Variants in GLIS1 observed in about 807,000 individuals in gnomAD.
The protein encoded by GLIS1 is GLIS family zinc finger 1.
A neutral mutation model predicts 63.8 loss-of-function variants in GLIS1; 24 were observed. The ratio of observed to expected loss-of-function variants is 0.38; its 90% CI spans 0.27 to 0.53. The LOEUF is 0.53. Ranked by LOEUF, GLIS1 falls within the 20% of genes least tolerant of loss-of-function variation. The pLI is 0.85. For synonymous variants in GLIS1, 450 were observed against 482.5 expected, an observed-to-expected ratio of 0.93 and a Z score of 0.88; for missense variants, 1,036 against 1,074.1, an observed-to-expected ratio of 0.96 and a Z score of 0.50.
intron 2 of GLIS1, among the ~76,000 whole-genome samples, chr1:53,638,064 T>A (rs897313390): frequency 6.6e-6 from 1 of 152,174 alleles, no homozygotes; most frequent in African/African-American, 2.4e-5. Context: ...CAGTATCCCA[T>A]CTGGGTTTAG....
chr1:53,553,230 G>A (rs1265942552), intron 4 of GLIS1, among the ~76,000 whole-genome samples: 5 of 152,158 alleles, frequency 3.3e-5, no homozygotes, highest in African/African-American at 9.7e-5. Flanking sequence ...AGTTTGTGGG[G>A]TTATTCCATC....
At chr1:53,579,373 T>G (rs1002287268) in intron 4 of GLIS1, among the ~76,000 whole-genome samples, 1 of 152,218 alleles carries the variant, frequency 6.6e-6, no homozygotes, top group Non-Finnish European at 1.5e-5. Context: ...CCAGGGGACA[T>G]GAGGCCTTGC....
At chr1:53,659,147 A>G (rs1179097241) in intron 2 of GLIS1, among the ~76,000 whole-genome samples, 3 of 152,168 alleles carry the variant, frequency 2.0e-5, no homozygotes, top group Non-Finnish European at 4.4e-5. Flanking sequence ...GAGTGCTCTG[A>G]GCCTGAAGAA....
At chr1:53,736,068 A>T (rs1176363136) in intron 2 of GLIS1, among the ~76,000 whole-genome samples, 2 of 152,198 alleles carry the variant, frequency 1.3e-5, no homozygotes, top group Non-Finnish European at 2.9e-5. Flanking sequence ...AGTGGGATAC[A>T]TCCCACCACA....
At chr1:53,680,315 A>G (rs1476636741) in intron 2 of GLIS1, among the ~76,000 whole-genome samples, 3 of 152,230 alleles carry the variant, frequency 2.0e-5, no homozygotes, top group Non-Finnish European at 2.9e-5. Context: ...GATTAAGAAA[A>G]TGTACTTCCC....
At chr1:53,660,768 T>C (rs1646018612) in intron 2 of GLIS1, among the ~76,000 whole-genome samples, 1 of 152,160 alleles carries the variant, frequency 6.6e-6, no homozygotes, top group Non-Finnish European at 1.5e-5. Context: ...GGGGCTCTCC[T>C]GGTGCTCAGG....
chr1:53,682,751 T>C (rs957821007), intron 2 of GLIS1, among the ~76,000 whole-genome samples: 1 of 152,114 alleles, frequency 6.6e-6, no homozygotes, highest in African/African-American at 2.4e-5. Flanking sequence ...CAGACCAGAA[T>C]AGGAAGGAAA....
chr1:53,519,602 C>T (rs1196487676), intron 7 of GLIS1, among the ~76,000 whole-genome samples: 2 of 152,148 alleles, frequency 1.3e-5, no homozygotes, highest in Non-Finnish European at 2.9e-5. Context: ...GGGCTGGATG[C>T]CTAAGCCACA....
chr1:53,530,470 G>C (rs1178639540), intron 4 of GLIS1, among the ~76,000 whole-genome samples: 1 of 152,200 alleles, frequency 6.6e-6, no homozygotes, highest in African/African-American at 2.4e-5. Context: ...AGGGCCCCAG[G>C]GGGTAGGACA....
intron 6 of GLIS1, among the ~76,000 whole-genome samples, chr1:53,523,005 T>TTTTTTTTTGA (rs1644427143): frequency 6.7e-6 from 1 of 149,928 alleles, no homozygotes; most frequent in African/African-American, 2.5e-5. Flanking sequence ...TTTTTTTTTT[T>TTTTTTTTTGA]GAGACAGGGT....
intron 2 of GLIS1, among the ~76,000 whole-genome samples, chr1:53,696,343 A>T (rs1000458054): frequency 6.6e-6 from 1 of 152,204 alleles, no homozygotes; most frequent in Non-Finnish European, 1.5e-5. Flanking sequence ...CCCACTTGAA[A>T]CTCAAGTTTT....
intron 2 of GLIS1, among the ~76,000 whole-genome samples, chr1:53,621,956 C>A (rs79397756): frequency 1.3e-5 from 2 of 151,964 alleles, no homozygotes; most frequent in African/African-American, 4.8e-5. Context: ...GACTACAGGC[C>A]CATGCCATCT....
At chr1:53,629,125 A>T (rs1037728028) in intron 2 of GLIS1, among the ~76,000 whole-genome samples, 2 of 152,108 alleles carry the variant, frequency 1.3e-5, no homozygotes, top group African/African-American at 4.8e-5. Context: ...CCACACAGTC[A>T]TACAGCCCAG....
intron 2 of GLIS1, among the ~76,000 whole-genome samples, chr1:53,662,098 C>T (rs113919631): frequency 1.8e-4 from 28 of 152,272 alleles, no homozygotes; most frequent in African/African-American, 6.7e-4. Flanking sequence ...TGCGAAAAGG[C>T]TTAACGGAAA....
At chr1:53,687,222 C>G (rs1646346835) in intron 2 of GLIS1, among the ~76,000 whole-genome samples, 1 of 152,218 alleles carries the variant, frequency 6.6e-6, no homozygotes, top group South Asian at 2.1e-4. Context: ...GGCCGCTTGC[C>G]TCTTGGGCAG....
intron 2 of GLIS1, among the ~76,000 whole-genome samples, chr1:53,673,499 A>G (rs1484167800): frequency 3.9e-5 from 6 of 152,212 alleles, no homozygotes; most frequent in African/African-American, 1.4e-4. Context: ...TCCTTCGGAA[A>G]GAGTCCTTTG....
chr1:53,621,984 T>C (rs1645548106), intron 2 of GLIS1, among the ~76,000 whole-genome samples: 1 of 152,108 alleles, frequency 6.6e-6, no homozygotes, highest in African/African-American at 2.4e-5. Context: ...TTAGTAGAGA[T>C]GGGGTTTCAC....
intron 2 of GLIS1, among the ~76,000 whole-genome samples, chr1:53,734,983 C>A (rs1234453369): frequency 6.6e-6 from 1 of 152,074 alleles, no homozygotes; most frequent in Non-Finnish European, 1.5e-5. Context: ...TGACATCACA[C>A]CATCCCAGTG....
At chr1:53,690,660 A>G (rs1646393825) in intron 2 of GLIS1, among the ~76,000 whole-genome samples, 1 of 152,208 alleles carries the variant, frequency 6.6e-6, no homozygotes, top group South Asian at 2.1e-4. Context: ...GGCAGCGATG[A>G]TTAACCCCTG....
Sources: allele counts gnomAD v4.1 joint callset (sites outside exome capture counted in the v4.1 genomes callset), GRCh38; gene constraint gnomAD v4.1.1; transcripts MANE v1.5; gene names NCBI Gene and HGNC (gene_info 2026-07-23, HGNC 2026-07-21).